Variants in MYO3B observed in about 807,000 individuals in gnomAD.
The protein encoded by MYO3B is myosin IIIB.
In MYO3B, 156 loss-of-function variants were observed where a neutral mutation model predicts 174.6. That is an observed-to-expected ratio of 0.89 (90% confidence interval 0.78 to 1.02). MYO3B has a LOEUF of 1.02. Ranked by LOEUF, MYO3B falls within the 50% of genes least tolerant of loss-of-function variation. The pLI, the probability that MYO3B is intolerant of heterozygous loss-of-function variation, is 0.00. For synonymous variants in MYO3B, 563 were observed against 569.1 expected, an observed-to-expected ratio of 0.99 and a Z score of 0.15; for missense variants, 1,632 against 1,639.4, an observed-to-expected ratio of 1.00 and a Z score of 0.08.
intron 30 of MYO3B, among the ~76,000 whole-genome samples, chr2:170,541,987 A>G (rs919424142): frequency 1.3e-5 from 2 of 152,244 alleles, no homozygotes; most frequent in Non-Finnish European, 2.9e-5. Context: ...GAATAAGATT[A>G]TTAATATAGA....
chr2:170,391,721 G>A, intron 15 of MYO3B, 103 bp downstream of exon 15: 1 of 704,448 alleles, frequency 1.4e-6, no homozygotes. Context: ...GAAACTCACA[G>A]TCTATTTAAC....
chr2:170,461,258 T>A (rs1355598095), intron 23 of MYO3B, among the ~76,000 whole-genome samples: 2 of 151,854 alleles, frequency 1.3e-5, no homozygotes, highest in African/African-American at 4.8e-5. Context: ...GTGGATCATC[T>A]GAGGTCAGGA....
chr2:170,444,679 G>C (rs2094827703), intron 23 of MYO3B, among the ~76,000 whole-genome samples: 1 of 152,050 alleles, frequency 6.6e-6, no homozygotes, highest in African/African-American at 2.4e-5. Context: ...TAATACTGTT[G>C]AATAGTATTC....
At chr2:170,331,774 T>G (rs1310794199) in intron 7 of MYO3B, among the ~76,000 whole-genome samples, 3 of 152,212 alleles carry the variant, frequency 2.0e-5, no homozygotes, top group Admixed American at 6.5e-5. Flanking sequence ...TTGCTAGATA[T>G]CGGCTGAGGC....
At chr2:170,651,543 A>G in intron 32 of MYO3B, 85 bp from the exon 33 acceptor site, 1 of 994,864 alleles carries the variant, frequency 1.0e-6, no homozygotes, top group Non-Finnish European at 1.6e-6. Context: ...AGTTTCTACT[A>G]AGTGCATTTA....
intron 23 of MYO3B, among the ~76,000 whole-genome samples, chr2:170,452,060 G>A (rs1277356206): frequency 6.6e-6 from 1 of 152,044 alleles, no homozygotes; most frequent in Admixed American, 6.6e-5. Flanking sequence ...CTTCCAGATG[G>A]CCAAGCATGC....
At chr2:170,373,521 A>G (rs1049231170) in intron 9 of MYO3B, among the ~76,000 whole-genome samples, 1 of 152,194 alleles carries the variant, frequency 6.6e-6, no homozygotes, top group Non-Finnish European at 1.5e-5. Context: ...CCACTTTAGT[A>G]CTTTTCCCAG....
At chr2:170,188,758 T>G (rs143335657) in intron 1 of MYO3B, among the ~76,000 whole-genome samples, 1 of 152,280 alleles carries the variant, frequency 6.6e-6, no homozygotes, top group East Asian at 1.9e-4. Context: ...ACTCTACACT[T>G]TAACTTCATC....
chr2:170,263,900 C>T (rs186580122), intron 7 of MYO3B, among the ~76,000 whole-genome samples: 2 of 152,286 alleles, frequency 1.3e-5, no homozygotes, highest in East Asian at 1.9e-4. Context: ...TTTCCCTTCC[C>T]GTGAGGCCAT....
rs75276903 is a variant in MYO3B at position 170,496,974 on chromosome 2, A to C, written c.3015-1618A>C. On this transcript the variant is annotated intron_variant, in intron 25 of 34. Coordinates refer to ENST00000408978, the MANE Select transcript of MYO3B (RefSeq NM_138995.5). Reference sequence around the variant, plus strand: ...AAAACAGGGAGAATAAAGGAGAAGAAAGGAAAGGGGAGGAAAAAACCCTTT... The same window carrying C: ...AAAACAGGGAGAATAAAGGAGAAGACAGGAAAGGGGAGGAAAAAACCCTTT... Among the ~76,000 whole-genome samples, 43 of 152,258 alleles carry C rather than the reference A, an allele frequency of 2.8e-4. 2 individuals are homozygous for C. In the East Asian group the frequency reaches 8.3e-3, roughly 29 times the overall value.
At chr2:170,455,981 ACT>A (rs1683884653) in intron 23 of MYO3B, among the ~76,000 whole-genome samples, 1 of 149,462 alleles carries the variant, frequency 6.7e-6, no homozygotes, top group Non-Finnish European at 1.5e-5. Context: ...AGACTTCCTC[ACT>A]CTCTGAAAGT....
chr2:170,273,750 T>TAA lies in MYO3B; in HGVS notation c.749+37614_749+37615insAA, dbSNP rs2093442153. ...TCAAACCCGTCAAGCAGGATTGGAC[T>TAA]CGTGTAATTATCACATAAAGTTGGT... On this transcript the variant is annotated intron_variant, in intron 7 of 34. Transcript: ENST00000408978. Among the ~76,000 whole-genome samples the TAA allele has an allele frequency of 1.4e-3, 23 of 15,976 alleles. 1 individual carries two copies. The Admixed American group carries it at 0.025, about 17-fold the overall frequency. 10.5% of individuals were successfully genotyped at this position (15,976 alleles called of 152,430 possible).
chr2:170,422,412 A>G (rs2105859530), intron 22 of MYO3B, among the ~76,000 whole-genome samples: 1 of 150,098 alleles, frequency 6.7e-6, no homozygotes, highest in African/African-American at 2.5e-5. Flanking sequence ...TCTTTAGAAA[A>G]CCTTATGGGA....
At chr2:170,404,427 A>G (rs2094497752) in intron 20 of MYO3B, 27 bp downstream of exon 20, 2 of 1,584,042 alleles carry the variant, frequency 1.3e-6, no homozygotes, top group Non-Finnish European at 1.7e-6. Context: ...AAACAGGCAT[A>G]TACATTTAGA....
intron 22 of MYO3B, among the ~76,000 whole-genome samples, chr2:170,437,379 T>A (rs1465507184): frequency 6.6e-6 from 1 of 152,064 alleles, no homozygotes; most frequent in Admixed American, 6.6e-5. Context: ...CCCCACCCCC[T>A]TCTCCCTTGA....
intron 32 of MYO3B, among the ~76,000 whole-genome samples, chr2:170,585,612 C>T (rs1693452550): frequency 6.6e-6 from 1 of 152,016 alleles, no homozygotes; most frequent in African/African-American, 2.4e-5. Flanking sequence ...AGATGATCAG[C>T]TAGCATTAGG....
intron 22 of MYO3B, among the ~76,000 whole-genome samples, chr2:170,414,611 A>G (rs535031715): frequency 6.6e-6 from 1 of 152,330 alleles, no homozygotes. Context: ...GTCTATATCT[A>G]TAAAAAGTCC....
intron 7 of MYO3B, among the ~76,000 whole-genome samples, chr2:170,276,280 T>G (rs894992257): frequency 2.0e-5 from 3 of 152,178 alleles, no homozygotes; most frequent in Non-Finnish European, 4.4e-5. Context: ...ACTTAGAGAA[T>G]GTTTGAGTGA....
At chr2:170,435,922 T>C (rs1412981262) in intron 22 of MYO3B, among the ~76,000 whole-genome samples, 1 of 152,220 alleles carries the variant, frequency 6.6e-6, no homozygotes, top group East Asian at 1.9e-4. Context: ...AAAAGATGAC[T>C]ACAGGTGACA....
Sources: gnomAD v4.1 joint callset for allele counts (sites outside exome capture counted in the v4.1 genomes callset) on GRCh38, gnomAD v4.1.1 for gene constraint, MANE v1.5 for transcripts, NCBI Gene and HGNC (gene_info 2026-07-23, HGNC 2026-07-21) for gene names.